Variants in CTNNA2 observed in about 807,000 individuals in gnomAD.
CTNNA2 encodes the protein catenin alpha-2.
Under a neutral mutation model 101.0 loss-of-function variants are expected in CTNNA2, and 42 were observed. That is an observed-to-expected ratio of 0.42 (90% CI 0.32 to 0.54). The LOEUF is 0.54. CTNNA2 is among the 20% of genes least tolerant of loss of function. The pLI is 0.14. For synonymous variants in CTNNA2, 450 were observed against 456.4 expected, an observed-to-expected ratio of 0.99 and a Z score of 0.18; for missense variants, 871 against 1,223.1, an observed-to-expected ratio of 0.71 and a Z score of 4.29.
intron 2 of CTNNA2, among the ~76,000 whole-genome samples, chr2:79,223,573 T>G (rs986670216): frequency 2.0e-5 from 3 of 152,174 alleles, no homozygotes; most frequent in African/African-American, 7.2e-5. Context: ...ATGCTATCAG[T>G]CACCCATCAG....
chr2:80,352,926 A>T (rs917083242), intron 7 of CTNNA2, among the ~76,000 whole-genome samples: 5 of 152,130 alleles, frequency 3.3e-5, no homozygotes, highest in Non-Finnish European at 7.4e-5. Context: ...TTAAAAAAAA[A>T]AAATAAAGAT....
chr2:79,246,344 G>C (rs1357039612), intron 2 of CTNNA2, among the ~76,000 whole-genome samples: 1 of 152,104 alleles, frequency 6.6e-6, no homozygotes, highest in African/African-American at 2.4e-5. Context: ...TTTTTATCCT[G>C]TTAGTATTGC....
At chr2:80,569,802 C>G (rs191907195) in intron 12 of CTNNA2, among the ~76,000 whole-genome samples, 2,120 of 151,184 alleles carry the variant, frequency 0.014, 32 homozygotes, top group Admixed American at 0.038. Flanking sequence ...GCCACCACAC[C>G]CAGCTAATTT....
intron 7 of CTNNA2, among the ~76,000 whole-genome samples, chr2:79,964,810 CT>C (rs1689915983): frequency 6.6e-6 from 1 of 152,084 alleles, no homozygotes. Flanking sequence ...TTACCTGATT[CT>C]TTTCAGAAAA....
chr2:79,258,871 A>AAAAAAAAAAAAAAG, intron 2 of CTNNA2, among the ~76,000 whole-genome samples: 1 of 146,854 alleles, frequency 6.8e-6, no homozygotes, highest in African/African-American at 2.5e-5. Context: ...AAAAAAAAAA[A>AAAAAAAAAAAAAAG]GGCAAACGAA....
At chr2:79,449,814 A>G (rs953768011) in intron 4 of CTNNA2, among the ~76,000 whole-genome samples, 9 of 152,030 alleles carry the variant, frequency 5.9e-5, no homozygotes, top group African/African-American at 2.2e-4. Flanking sequence ...AACCTAATCA[A>G]CTAAACTGAG....
intron 4 of CTNNA2, among the ~76,000 whole-genome samples, chr2:79,497,277 G>A (rs1328241048): frequency 1.3e-5 from 2 of 152,120 alleles, no homozygotes; most frequent in Non-Finnish European, 2.9e-5. Flanking sequence ...CTGGGTGTCA[G>A]TTACTGGTTG....
At chr2:80,014,640 C>T (rs1363022471) in intron 7 of CTNNA2, among the ~76,000 whole-genome samples, 1 of 152,192 alleles carries the variant, frequency 6.6e-6, no homozygotes, top group African/African-American at 2.4e-5. Flanking sequence ...TTCTTTCAAA[C>T]TTCAGCAATA....
At chr2:80,597,998 T>G (rs1439513576) in intron 15 of CTNNA2, among the ~76,000 whole-genome samples, 1 of 152,158 alleles carries the variant, frequency 6.6e-6, no homozygotes, top group Non-Finnish European at 1.5e-5. Context: ...CAAAGACACT[T>G]GCATATATGT....
intron 7 of CTNNA2, among the ~76,000 whole-genome samples, chr2:80,017,148 T>A (rs1386705527): frequency 6.6e-6 from 1 of 152,134 alleles, no homozygotes; most frequent in Non-Finnish European, 1.5e-5. Context: ...AATGCACAAT[T>A]CCTTTGCCTA....
chr2:79,419,363 T>C (rs1235859903), intron 4 of CTNNA2, among the ~76,000 whole-genome samples: 1 of 152,106 alleles, frequency 6.6e-6, no homozygotes, highest in Non-Finnish European at 1.5e-5. Flanking sequence ...TATATAAAAA[T>C]TAAGAATAAT....
At chr2:80,267,023 G>A (rs1000116640) in intron 7 of CTNNA2, among the ~76,000 whole-genome samples, 45 of 152,128 alleles carry the variant, frequency 3.0e-4, no homozygotes, top group Non-Finnish European at 8.8e-5. Context: ...CACTTTCTAT[G>A]TTGTGAGGAT....
chr2:79,321,122 G>T (rs1208038315), intron 3 of CTNNA2, among the ~76,000 whole-genome samples: 1 of 152,134 alleles, frequency 6.6e-6, no homozygotes, highest in Non-Finnish European at 1.5e-5. Flanking sequence ...CCATCTTAAA[G>T]GGTGTAGATG....
intron 7 of CTNNA2, among the ~76,000 whole-genome samples, chr2:80,139,718 A>C (rs1315166162): frequency 1.3e-5 from 2 of 152,212 alleles, no homozygotes; most frequent in African/African-American, 4.8e-5. Flanking sequence ...TGCACACCCT[A>C]AATGTATCAT....
intron 9 of CTNNA2, among the ~76,000 whole-genome samples, chr2:80,483,648 A>T (rs1356333097): frequency 6.6e-6 from 1 of 152,156 alleles, no homozygotes; most frequent in Non-Finnish European, 1.5e-5. Context: ...ATAAGTCCAT[A>T]TATGAACTAA....
Position 80,555,686 on chromosome 2 carries a change from T to A in CTNNA2, c.1541-7T>A. Reference sequence around the variant, plus strand: ...GTCATCTAAATGTGTATGTGTCCTCTCCATAGAAAATCACATCTTGGAGGA... The same window carrying A: ...GTCATCTAAATGTGTATGTGTCCTCACCATAGAAAATCACATCTTGGAGGA... On this transcript the variant is annotated splice_polypyrimidine_tract_variant and splice_region_variant and intron_variant, in intron 11 of 18. Transcript: ENST00000402739. The A allele has an allele frequency of 6.7e-7, 1 of 1,488,640 alleles. No individual in the cohort carries two copies. Among genetic ancestry groups the A allele is most frequent in the Non-Finnish European group, 9.0e-7 (1 of 1,112,750 alleles). 92.2% of individuals were successfully genotyped at this position (1,488,640 alleles called of 1,614,324 possible). A position where few individuals can be genotyped will look rare whatever the true frequency, so the allele number is the denominator to read the frequency against.
At chr2:80,469,865 A>G (rs912057948) in intron 9 of CTNNA2, among the ~76,000 whole-genome samples, 1 of 152,290 alleles carries the variant, frequency 6.6e-6, no homozygotes, top group African/African-American at 2.4e-5. Context: ...GTATCTCACT[A>G]TCTTATTTTT....
chr2:79,715,037 C>CA (rs60331511), intron 2 of CTNNA2, among the ~76,000 whole-genome samples: 22,070 of 97,060 alleles, frequency 0.23, 2,532 homozygotes, highest in African/African-American at 0.39. Context: ...CTAAAAATAC[C>CA]AAAAAAAAAA....
chr2:79,618,060 C>A (rs963539121), intron 1 of CTNNA2, among the ~76,000 whole-genome samples: 4 of 152,140 alleles, frequency 2.6e-5, no homozygotes, highest in Non-Finnish European at 4.4e-5. Flanking sequence ...ACCACCAACA[C>A]ACACACTCCT....
Sources: gnomAD v4.1 joint callset for allele counts (sites outside exome capture counted in the v4.1 genomes callset) on GRCh38, gnomAD v4.1.1 for gene constraint, MANE v1.5 for transcripts, NCBI Gene and HGNC (gene_info 2026-07-23, HGNC 2026-07-21) for gene names.